The following SH3BP4 variants were observed in gnomAD, a reference collection of about 807,000 sequenced individuals.
The protein encoded by SH3BP4 is SH3 domain-binding protein 4.
SH3BP4 carries 33 observed loss-of-function variants against 65.5 expected under a neutral mutation model. The observed-to-expected ratio is 0.50, with a 90% CI of 0.38 to 0.67. SH3BP4 has a LOEUF of 0.67. Ranked by LOEUF, SH3BP4 falls within the 30% of genes least tolerant of loss-of-function variation. SH3BP4 has a pLI of 0.00. For missense variants in SH3BP4, 1,134 were observed against 1,261.4 expected, an observed-to-expected ratio of 0.90 and a Z score of 1.53; for synonymous variants, 552 against 545.5, an observed-to-expected ratio of 1.01 and a Z score of -0.17.
At chr2:234,953,719 A>G (rs1190465047) in intron 1 of SH3BP4, among the ~76,000 whole-genome samples, 1 of 152,128 alleles carries the variant, frequency 6.6e-6, no homozygotes, top group Non-Finnish European at 1.5e-5. Context: ...TCCTCATTGC[A>G]GTGGTCATGC....
At chr2:234,959,833 G>A (rs1692667829) in intron 1 of SH3BP4, among the ~76,000 whole-genome samples, 2 of 152,018 alleles carry the variant, frequency 1.3e-5, no homozygotes, top group African/African-American at 4.8e-5. Context: ...TGTGTTTTCA[G>A]TAGAGGTGGG....
At chr2:235,032,259 C>G (rs1695229092) in intron 2 of SH3BP4, among the ~76,000 whole-genome samples, 1 of 152,204 alleles carries the variant, frequency 6.6e-6, no homozygotes, top group Admixed American at 6.5e-5. Context: ...AGCTGACACC[C>G]CCTGATTTTT....
At position 234,977,277 on chromosome 2, in the gene SH3BP4, C is replaced by T. The variant is rs930792580; in HGVS notation, c.-206-18026C>T. On this transcript the variant is annotated intron_variant, in intron 1 of 5. Coordinates refer to ENST00000392011, the MANE Select transcript of SH3BP4 (RefSeq NM_014521.3). The surrounding 1 kb of genome is among the most constrained non-coding windows in gnomAD (Gnocchi z 5.1). ...AGGGTCCCCATTTCCTGGCCGGGAA[C>T]TTCCCTTTCCTACAGACCCTCGCTT... Among the ~76,000 whole-genome samples, 2 of 152,176 alleles carry T rather than the reference C, an allele frequency of 1.3e-5. 1 individual carries two copies. Among genetic ancestry groups the T allele is most frequent in the African/African-American group, 4.8e-5 (2 of 41,456 alleles).
chr2:234,969,917 T>TCA (rs961128034), intron 1 of SH3BP4, among the ~76,000 whole-genome samples: 1 of 143,522 alleles, frequency 7.0e-6, no homozygotes, highest in Admixed American at 6.8e-5. Context: ...ACACACTCTG[T>TCA]CACACACACA....
intron 1 of SH3BP4, among the ~76,000 whole-genome samples, chr2:234,980,268 C>T (rs2106255963): frequency 6.6e-6 from 1 of 152,164 alleles, no homozygotes; most frequent in South Asian, 2.1e-4. Context: ...TGTATACATG[C>T]CTATGAGAAA....
chr2:235,039,698 T>C (rs1359791390), intron 3 of SH3BP4, among the ~76,000 whole-genome samples: 1 of 152,220 alleles, frequency 6.6e-6, no homozygotes, highest in Non-Finnish European at 1.5e-5. Context: ...TCCATTATTT[T>C]TCAAAACACA....
chr2:235,040,571 A>G (rs1214657743), intron 3 of SH3BP4, among the ~76,000 whole-genome samples: 2 of 151,322 alleles, frequency 1.3e-5, no homozygotes, highest in Non-Finnish European at 2.9e-5. Context: ...AACGTTGCCC[A>G]AAATGAGATG....
At chr2:234,984,520 A>G (rs751412319) in intron 1 of SH3BP4, among the ~76,000 whole-genome samples, 3 of 152,174 alleles carry the variant, frequency 2.0e-5, no homozygotes, top group Non-Finnish European at 4.4e-5. Flanking sequence ...TTTTCAGTGT[A>G]AAAATGTCAG....
chr2:235,037,783 C>G (rs530829723), intron 3 of SH3BP4, among the ~76,000 whole-genome samples: 96 of 152,318 alleles, frequency 6.3e-4, no homozygotes, highest in Admixed American at 3.6e-3. Flanking sequence ...AGAAGAGCTT[C>G]TGTATCCTCT....
Position 235,053,559 on chromosome 2 carries a change from C to T in SH3BP4, c.2668-33C>T, listed in dbSNP as rs112467313. 4 of 1,528,116 alleles carry T rather than the reference C, an allele frequency of 2.6e-6. No individual in the cohort carries two copies. The African/African-American group carries it at 4.1e-5, about 16-fold the overall frequency. The allele number at this position is 1,528,116 out of a possible 1,614,324, so 94.7% of individuals were successfully genotyped here. A position where few individuals can be genotyped will look rare whatever the true frequency, so the allele number is the denominator to read the frequency against. On this transcript the variant is annotated intron_variant, in intron 5 of 5. Coordinates refer to ENST00000392011, the MANE Select transcript of SH3BP4 (RefSeq NM_014521.3). ...GTCTCCTAATCTTTCTTCCTCTCTC[C>T]CTCCTTTTGTTTTTTACAACTCCAC...
Position 235,052,485 on chromosome 2 carries a change from T to A in SH3BP4, c.2479-77T>A. The A allele has an allele frequency of 1.7e-6, 2 of 1,210,202 alleles. No homozygotes were observed. Among genetic ancestry groups the A allele is most frequent in the Non-Finnish European group, 1.1e-6 (1 of 885,650 alleles). The allele number at this position is 1,210,202 out of a possible 1,614,324, so 75.0% of individuals were successfully genotyped here. ...AGAGCCCATGGCCATTCCTGCGCCG[T>A]CTGCTGGAATTCTGCGGGGAGCAGA... On this transcript the variant is annotated intron_variant, in intron 4 of 5. Coordinates refer to ENST00000392011, the MANE Select transcript of SH3BP4 (RefSeq NM_014521.3). The surrounding 1 kb of genome is among the most constrained non-coding windows in gnomAD (Gnocchi z 5.0).
rs1693969472 is a variant in SH3BP4 at position 234,997,795 on chromosome 2, A to G, written c.-133+2419A>G. On this transcript the variant is annotated intron_variant, in intron 2 of 5. Coordinates refer to ENST00000392011, the MANE Select transcript of SH3BP4 (RefSeq NM_014521.3). This position sits in a 1 kb window ranked among gnomAD's most constrained non-coding sequence, Gnocchi z 4.2. ...CTCAGAGTACTCAGAAACCCAGAATACTTCATTCAAGTTCAAGTTCAGAGG... is the reference window on the plus strand; with the variant it reads ...CTCAGAGTACTCAGAAACCCAGAATGCTTCATTCAAGTTCAAGTTCAGAGG... Among the ~76,000 whole-genome samples, 2 of 152,118 alleles carry G rather than the reference A, an allele frequency of 1.3e-5. No individual in the cohort carries two copies.
In SH3BP4 at chr2:235,044,660, C is replaced by T. The variant is rs545163754; in HGVS notation, c.2478+1413C>T. 6.6e-5 allele frequency among the ~76,000 whole-genome samples: 10 copies of T among 152,366 alleles called. No individual in the cohort carries two copies. The South Asian group carries it at 1.5e-3, about 22-fold the overall frequency. On this transcript the variant is annotated intron_variant, in intron 4 of 5. Transcript: ENST00000392011. ...GTGCCCGGCCTTTCTGCCACCTCCCCGGCTCCCCTGGATTGAGCCCTGTTT... is the reference window on the plus strand; with the variant it reads ...GTGCCCGGCCTTTCTGCCACCTCCCTGGCTCCCCTGGATTGAGCCCTGTTT...
At position 235,026,963 on chromosome 2, in the gene SH3BP4, G is replaced by A. The variant is rs1282523716; in HGVS notation, c.-132-7908G>A. ...CTCCTGTGCCCTGGGTGCATTAGGC[G>A]AGATCAGGCACGTTCAGGGTGATAT... On this transcript the variant is annotated intron_variant, in intron 2 of 5. Transcript: ENST00000392011. The surrounding 1 kb of genome is among the most constrained non-coding windows in gnomAD (Gnocchi z 4.6). 2.0e-5 allele frequency among the ~76,000 whole-genome samples: 3 copies of A among 152,316 alleles called. No individual in the cohort carries two copies. Among genetic ancestry groups the A allele is most frequent in the Non-Finnish European group, 4.4e-5 (3 of 68,032 alleles).
At chr2:234,966,071 AAACTTCGG>A (rs1397413331) in intron 1 of SH3BP4, among the ~76,000 whole-genome samples, 1 of 152,212 alleles carries the variant, frequency 6.6e-6, no homozygotes, top group African/African-American at 2.4e-5. Flanking sequence ...GAAACAAAGT[AAACTTCGG>A]GAGAAAGAGG....
In SH3BP4 at chr2:235,042,518, G is replaced by A. The variant is rs1454774139; in HGVS notation, c.1749G>A (p.Glu583=). Residue 583 remains glutamate, a synonymous_variant, in exon 4 of 6, where the codon GAG becomes GAA. Transcript: ENST00000392011. The surrounding 1 kb of genome is among the most constrained non-coding windows in gnomAD (Gnocchi z 7.3). ...CCATCACCTCCCAGAACCCCAACGA[G>A]CTCTCTGACTTCACGCTGCGGGTTC... ...IFPITSQNPN[E]LSDFTLRVQV... is the part of the protein sequence containing the mutation. 6.2e-7 allele frequency: 1 copy of A among 1,614,032 alleles called. No homozygotes were observed. Among genetic ancestry groups the A allele is most frequent in the African/African-American group, 1.3e-5 (1 of 74,916 alleles).
rs540235377 is a variant in SH3BP4 at position 235,046,527 on chromosome 2, G to T, written c.2478+3280G>T. ...GTCGAGGCTACACTGAGCTATGATC[G>T]CAGCACTGCACTCCAGCCTGGACAA... On this transcript the variant is annotated intron_variant, in intron 4 of 5. Transcript: ENST00000392011. The surrounding 1 kb of genome is among the most constrained non-coding windows in gnomAD (Gnocchi z 4.2). 2.1e-3 allele frequency among the ~76,000 whole-genome samples: 315 copies of T among 152,156 alleles called. No homozygotes were observed. The highest frequency in any genetic ancestry group is 7.3e-3 in the African/African-American group (303 of 41,484).
chr2:235,017,045 C>CTTTTTTTTTTTTTTTTTTTTTTTTT (rs995197698), intron 2 of SH3BP4, among the ~76,000 whole-genome samples: 1 of 88,436 alleles, frequency 1.1e-5, no homozygotes, highest in African/African-American at 4.4e-5. Flanking sequence ...GTTTGCCTTT[C>CTTTTTTTTTTTTTTTTTTTTTTTTT]TTTTTTTTTT....
intron 3 of SH3BP4, among the ~76,000 whole-genome samples, chr2:235,036,221 T>C (rs1036369394): frequency 1.3e-5 from 2 of 152,250 alleles, no homozygotes; most frequent in Non-Finnish European, 2.9e-5. Context: ...TTGCTGTAAA[T>C]GTTCTTTAAA....
Sources: allele counts gnomAD v4.1 joint callset (sites outside exome capture counted in the v4.1 genomes callset), GRCh38; gene constraint gnomAD v4.1.1; non-coding constraint Gnocchi (gnomAD v3.1); transcripts MANE v1.5; gene names NCBI Gene and HGNC (gene_info 2026-07-23, HGNC 2026-07-21).